Variants in PHACTR1 observed in about 807,000 individuals in gnomAD.
PHACTR1 encodes RPEL repeat containing 1.
A neutral mutation model predicts 69.2 loss-of-function variants in PHACTR1; 16 were observed. That is an observed-to-expected ratio of 0.23 (90% confidence interval 0.16 to 0.35). The LOEUF (loss-of-function observed/expected upper bound fraction) is 0.35. Among genes scored for constraint, PHACTR1 ranks in the 10% least tolerant of loss-of-function variants. The pLI, the probability that PHACTR1 is intolerant of heterozygous loss-of-function variation, is 1.00. For synonymous variants in PHACTR1, 312 were observed against 284.5 expected, an observed-to-expected ratio of 1.10 and a Z score of -0.97; for missense variants, 510 against 734.7, an observed-to-expected ratio of 0.69 and a Z score of 3.54.
intron 5 of PHACTR1, among the ~76,000 whole-genome samples, chr6:13,132,917 A>G (rs141113214): frequency 2.5e-3 from 376 of 152,236 alleles, no homozygotes; most frequent in African/African-American, 8.7e-3. Flanking sequence ...CCTTCCTTTC[A>G]TGAACGATTT....
intron 10 of PHACTR1, among the ~76,000 whole-genome samples, chr6:13,262,054 C>A (rs1775989529): frequency 6.6e-6 from 1 of 152,164 alleles, no homozygotes; most frequent in African/African-American, 2.4e-5. Flanking sequence ...GTGGTGTGAT[C>A]AGATCGGTCC....
At chr6:12,805,752 C>T (rs1010844862) in intron 4 of PHACTR1, among the ~76,000 whole-genome samples, 3 of 152,042 alleles carry the variant, frequency 2.0e-5, no homozygotes, top group East Asian at 1.9e-4. Flanking sequence ...AGGCACCCAC[C>T]ACCACTCCTA....
At chr6:12,897,269 C>T (rs1364158009) in intron 4 of PHACTR1, among the ~76,000 whole-genome samples, 1 of 152,206 alleles carries the variant, frequency 6.6e-6, no homozygotes, top group Admixed American at 6.5e-5. Context: ...TTAGCGGTAT[C>T]TATGTCATTA....
At chr6:12,781,598 G>A (rs754590241) in intron 4 of PHACTR1, among the ~76,000 whole-genome samples, 1 of 152,180 alleles carries the variant, frequency 6.6e-6, no homozygotes, top group Non-Finnish European at 1.5e-5. Flanking sequence ...CCTAATCCAC[G>A]GGGGCTTAAT....
chr6:12,745,807 T>G lies in PHACTR1; in HGVS notation c.104-3837T>G, dbSNP rs114224351. On this transcript the variant is annotated intron_variant, in intron 3 of 14. Transcript: ENST00000332995. ...AGGCAGCGCCTTTAAGATCATGATA[T>G]CTGACCCTTGCATTTTTATAGTGGA... Among the ~76,000 whole-genome samples the G allele has an allele frequency of 2.7e-3, 418 of 152,352 alleles. 1 individual carries two copies. Among genetic ancestry groups the G allele is most frequent in the African/African-American group, 9.8e-3 (406 of 41,586 alleles).
intron 4 of PHACTR1, among the ~76,000 whole-genome samples, chr6:12,764,322 T>C (rs1768365173): frequency 1.3e-5 from 2 of 152,246 alleles, no homozygotes; most frequent in Admixed American, 1.3e-4. Flanking sequence ...TCTTTCTAGT[T>C]GCTGGTTGCC....
intron 4 of PHACTR1, among the ~76,000 whole-genome samples, chr6:12,851,731 T>G (rs1376855995): frequency 6.6e-6 from 1 of 152,208 alleles, no homozygotes; most frequent in Non-Finnish European, 1.5e-5. Context: ...ATAAAAATCT[T>G]ACACAATCAG....
At chr6:13,058,366 A>G (rs1232607428) in intron 5 of PHACTR1, among the ~76,000 whole-genome samples, 1 of 152,078 alleles carries the variant, frequency 6.6e-6, no homozygotes, top group East Asian at 1.9e-4. Context: ...GAAATCTACA[A>G]TGTGTCAGAA....
rs369227409 is a variant in PHACTR1 at position 12,952,072 on chromosome 6, A to G, written c.251-101293A>G. The stretch of plus-strand genomic sequence containing the variant: ...ACGTTCTCTGGTCCCTTCATATTTT[A>G]AAAAAACAGGCATGTGCTTTAGAGC... On this transcript the variant is annotated intron_variant, in intron 4 of 14. Coordinates refer to ENST00000332995, the MANE Select transcript of PHACTR1 (RefSeq NM_030948.6). Among the ~76,000 whole-genome samples the G allele has an allele frequency of 4.1e-4, 63 of 152,290 alleles. 2 individuals carry two copies. The South Asian group carries it at 0.013, about 31-fold the overall frequency.
chr6:12,907,696 C>T (rs1785895063), intron 4 of PHACTR1, among the ~76,000 whole-genome samples: 1 of 152,080 alleles, frequency 6.6e-6, no homozygotes, highest in Non-Finnish European at 1.5e-5. Context: ...AGAGTAGAAC[C>T]ATAGTCTAGG....
chr6:13,121,549 T>G (rs1818738231), intron 5 of PHACTR1, among the ~76,000 whole-genome samples: 2 of 152,244 alleles, frequency 1.3e-5, no homozygotes, highest in South Asian at 4.1e-4. Flanking sequence ...ATCGTAGCTA[T>G]TATTATTTGA....
intron 6 of PHACTR1, among the ~76,000 whole-genome samples, chr6:13,177,769 C>T (rs937975847): frequency 6.6e-5 from 10 of 152,130 alleles, no homozygotes; most frequent in South Asian, 4.1e-4. Flanking sequence ...ATGGGAGGAG[C>T]GGCAGGCTGG....
At chr6:13,081,231 G>T (rs549136018) in intron 5 of PHACTR1, among the ~76,000 whole-genome samples, 14 of 152,242 alleles carry the variant, frequency 9.2e-5, no homozygotes, top group African/African-American at 2.6e-4. Context: ...TCTGAACTGG[G>T]TTCTACTAGA....
chr6:13,205,228 A>G (rs916035261), intron 7 of PHACTR1, among the ~76,000 whole-genome samples: 2 of 152,124 alleles, frequency 1.3e-5, no homozygotes, highest in African/African-American at 4.8e-5. Context: ...GACTCTTCTT[A>G]ACAACCCACT....
At chr6:12,880,023 A>G (rs891815938) in intron 4 of PHACTR1, among the ~76,000 whole-genome samples, 4 of 152,184 alleles carry the variant, frequency 2.6e-5, no homozygotes, top group African/African-American at 7.2e-5. Context: ...GCTAACATCT[A>G]TTGAGTGTTT....
chr6:12,826,582 T>C lies in PHACTR1; in HGVS notation c.250+76792T>C, dbSNP rs114445314. On this transcript the variant is annotated intron_variant, in intron 4 of 14. Coordinates refer to ENST00000332995, the MANE Select transcript of PHACTR1 (RefSeq NM_030948.6). ...AAGCATACAGGAGTTCAAATTACTG[T>C]GACATTGTTATAGGGTGTCCTTGAA... is the stretch of plus-strand genomic sequence containing the variant. 2.3e-3 allele frequency among the ~76,000 whole-genome samples: 351 copies of C among 152,318 alleles called. 2 individuals are homozygous for C. The highest frequency in any genetic ancestry group is 3.5e-3 in the Non-Finnish European group (237 of 68,016).
intron 4 of PHACTR1, among the ~76,000 whole-genome samples, chr6:12,777,016 T>C (rs1410138976): frequency 6.6e-6 from 1 of 152,196 alleles, no homozygotes; most frequent in Non-Finnish European, 1.5e-5. Flanking sequence ...TACACTCATG[T>C]TCAAGGTTAG....
At chr6:12,886,203 A>C (rs564651669) in intron 4 of PHACTR1, among the ~76,000 whole-genome samples, 6 of 152,300 alleles carry the variant, frequency 3.9e-5, no homozygotes, top group African/African-American at 1.4e-4. Context: ...CCTTGTTATG[A>C]ATGAAGCAAA....
rs192199780 is a variant in PHACTR1, at chr6:12,896,009, T to C, written c.250+146219T>C. On this transcript the variant is annotated intron_variant, in intron 4 of 14. Transcript: ENST00000332995. The stretch of plus-strand genomic sequence containing the variant: ...AGCTCAAGATAAACACATGATGCCA[T>C]GTATATTGTAGCTTCTCAGATCCAG... 3.1e-3 allele frequency among the ~76,000 whole-genome samples: 477 copies of C among 152,282 alleles called. 4 individuals carry two copies. Among genetic ancestry groups the C allele is most frequent in the Non-Finnish European group, 5.3e-3 (361 of 68,010 alleles).
Sources: allele counts gnomAD v4.1 joint callset (sites outside exome capture counted in the v4.1 genomes callset), GRCh38; gene constraint gnomAD v4.1.1; transcripts MANE v1.5; gene names NCBI Gene and HGNC (gene_info 2026-07-23, HGNC 2026-07-21).